Variants in RAPGEF4 observed in about 807,000 individuals in gnomAD.
RAPGEF4 encodes RAP guanine-nucleotide-exchange factor (GEF) 4.
In RAPGEF4, 66 loss-of-function variants were observed where a neutral mutation model predicts 147.9. That is an observed-to-expected ratio of 0.45 (90% CI 0.37 to 0.55). The LOEUF is 0.55. Ranked by LOEUF, RAPGEF4 falls within the 20% of genes least tolerant of loss-of-function variation. The pLI is 0.00. For missense variants in RAPGEF4, 1,071 were observed against 1,257.3 expected (o/e 0.85, Z 2.24); for synonymous variants, 419 against 442.7 (o/e 0.95, Z 0.67).
At chr2:172,850,408 G>A (rs1440055464) in intron 4 of RAPGEF4, among the ~76,000 whole-genome samples, 1 of 152,072 alleles carries the variant, frequency 6.6e-6, no homozygotes, top group East Asian at 1.9e-4. Context: ...ACAAGGTCAG[G>A]AGATCAAGAC....
chr2:173,043,785 A>G (rs1685070793), intron 29 of RAPGEF4, among the ~76,000 whole-genome samples: 1 of 152,004 alleles, frequency 6.6e-6, no homozygotes. Context: ...CAGCGGACTC[A>G]AGGGAAATTC....
chr2:173,045,680 G>T (rs1294351802), intron 29 of RAPGEF4, among the ~76,000 whole-genome samples: 1 of 152,200 alleles, frequency 6.6e-6, no homozygotes, highest in Non-Finnish European at 1.5e-5. Flanking sequence ...AAAAGTAAAA[G>T]GAGAAAGACT....
chr2:172,976,548 A>G (rs1691092750), intron 10 of RAPGEF4, among the ~76,000 whole-genome samples: 1 of 152,134 alleles, frequency 6.6e-6, no homozygotes, highest in Non-Finnish European at 1.5e-5. Context: ...CACACAAAAA[A>G]ATAGAGCATT....
chr2:173,027,152 G>C lies in RAPGEF4; in HGVS notation c.2451G>C (p.Leu817=), dbSNP rs1364485499. Residue 817 remains leucine (L), a synonymous_variant, in exon 25 of 31, where the codon CTG becomes CTC. Transcript: ENST00000397081. ...KKTTANLDLF[L]RRFNEIQFWV... ...CCACAGCAAACTTGGATTTGTTCCT[G>C]AGGAGATTTAATGAAATTCAGTTTT... 6 of 1,613,640 alleles carry C rather than the reference G, an allele frequency of 3.7e-6. No homozygotes were observed. In the South Asian group the frequency reaches 6.6e-5, roughly 18 times the overall value.
intron 4 of RAPGEF4, among the ~76,000 whole-genome samples, chr2:172,822,383 A>G (rs148620681): frequency 5.3e-5 from 8 of 152,286 alleles, no homozygotes; most frequent in Admixed American, 5.2e-4. Flanking sequence ...ATTGTGGGTG[A>G]TGGTATTTCA....
At chr2:172,968,031 A>G (rs1339158340) in intron 10 of RAPGEF4, among the ~76,000 whole-genome samples, 2 of 152,108 alleles carry the variant, frequency 1.3e-5, no homozygotes, top group Non-Finnish European at 2.9e-5. Context: ...GCAGGCCACC[A>G]CCTGCAATTG....
chr2:173,013,783 T>G (rs1049350529), intron 17 of RAPGEF4, among the ~76,000 whole-genome samples: 2 of 152,138 alleles, frequency 1.3e-5, no homozygotes, highest in Non-Finnish European at 2.9e-5. Flanking sequence ...GTGCTTACAA[T>G]TAAGATGGTA....
At chr2:172,989,286 G>A (rs1692584228) in intron 14 of RAPGEF4, among the ~76,000 whole-genome samples, 1 of 151,986 alleles carries the variant, frequency 6.6e-6, no homozygotes, top group African/African-American at 2.4e-5. Flanking sequence ...CCAAATCTGA[G>A]CCTGTCTCAT....
At chr2:172,926,342 G>A (rs1685356993) in intron 6 of RAPGEF4, among the ~76,000 whole-genome samples, 1 of 152,080 alleles carries the variant, frequency 6.6e-6, no homozygotes, top group Non-Finnish European at 1.5e-5. Flanking sequence ...TTAATTTTTG[G>A]CTACTTATGC....
chr2:172,979,645 G>T (rs1691467279), intron 10 of RAPGEF4, among the ~76,000 whole-genome samples: 1 of 152,158 alleles, frequency 6.6e-6, no homozygotes, highest in Non-Finnish European at 1.5e-5. Context: ...TAGATTTATG[G>T]ATATTTAAGC....
intron 4 of RAPGEF4, among the ~76,000 whole-genome samples, chr2:172,895,823 A>G (rs1030882385): frequency 6.6e-6 from 1 of 152,194 alleles, no homozygotes; most frequent in Non-Finnish European, 1.5e-5. Context: ...TTGCCCCTAA[A>G]CCATGCAGAA....
At chr2:172,883,095 T>C (rs1696798971) in intron 4 of RAPGEF4, among the ~76,000 whole-genome samples, 1 of 136,936 alleles carries the variant, frequency 7.3e-6, no homozygotes. Context: ...GTGTTTAATA[T>C]GTGTTAAAAA....
rs72908237 is a variant in RAPGEF4 at position 172,877,651 on chromosome 2, C to A, written c.445-40151C>A. On this transcript the variant is annotated intron_variant, in intron 4 of 30. Transcript: ENST00000397081. Reference sequence around the variant, plus strand: ...TGCTGGGCTGCGGCACCAGCTGTAACCCAAGTCCTTCACATGCCCTAGACC... The same window carrying A: ...TGCTGGGCTGCGGCACCAGCTGTAAACCAAGTCCTTCACATGCCCTAGACC... Among the ~76,000 whole-genome samples the A allele has an allele frequency of 8.3e-3, 1,270 of 152,236 alleles. 8 individuals are homozygous for A. The highest frequency in any genetic ancestry group is 0.014 in the Non-Finnish European group (960 of 68,018).
chr2:172,753,703 A>C (rs1695504129), intron 1 of RAPGEF4, among the ~76,000 whole-genome samples: 1 of 152,048 alleles, frequency 6.6e-6, no homozygotes, highest in Non-Finnish European at 1.5e-5. Context: ...GAAAAGGAAA[A>C]CTTTTTTTTT....
intron 4 of RAPGEF4, among the ~76,000 whole-genome samples, chr2:172,832,553 G>A (rs902156870): frequency 6.6e-6 from 1 of 152,116 alleles, no homozygotes; most frequent in African/African-American, 2.4e-5. Context: ...TTTATCTGTG[G>A]TGCAATACCA....
chr2:172,968,435 T>C (rs1224335923), intron 10 of RAPGEF4, among the ~76,000 whole-genome samples: 2 of 152,114 alleles, frequency 1.3e-5, no homozygotes, highest in African/African-American at 2.4e-5. Flanking sequence ...AGGCTGCCCC[T>C]CAGACCAACC....
intron 4 of RAPGEF4, among the ~76,000 whole-genome samples, chr2:172,836,473 G>C (rs1444091785): frequency 3.9e-5 from 6 of 152,216 alleles, no homozygotes; most frequent in Non-Finnish European, 8.8e-5. Context: ...TTCTGTCCAT[G>C]TGATTAAACA....
intron 5 of RAPGEF4, among the ~76,000 whole-genome samples, chr2:172,921,106 G>C (rs1239083191): frequency 6.6e-6 from 1 of 151,462 alleles, no homozygotes; most frequent in East Asian, 1.9e-4. Flanking sequence ...TTGCTTTTTT[G>C]TTTTTGTCTT....
At chr2:172,857,919 A>G in intron 4 of RAPGEF4, among the ~76,000 whole-genome samples, 1 of 106,966 alleles carries the variant, frequency 9.3e-6, no homozygotes, top group Non-Finnish European at 2.1e-5. Context: ...AAAAAAAAAA[A>G]AAAAAAAAAA....
Sources: allele counts gnomAD v4.1 joint callset (sites outside exome capture counted in the v4.1 genomes callset), GRCh38; gene constraint gnomAD v4.1.1; transcripts MANE v1.5; gene names NCBI Gene and HGNC (gene_info 2026-07-23, HGNC 2026-07-21).